The following SLCO1A2 variants were observed in gnomAD, a reference collection of about 807,000 sequenced individuals.
The protein encoded by SLCO1A2 is solute carrier organic anion transporter family member 1A2.
Under a neutral mutation model 69.0 loss-of-function variants are expected in SLCO1A2, and 67 were observed. The ratio of observed to expected loss-of-function variants is 0.97; its 90% CI spans 0.80 to 1.19. The LOEUF (loss-of-function observed/expected upper bound fraction) is 1.19, where lower values mean the gene tolerates loss of function less well. SLCO1A2 is among the 50% of genes most tolerant of loss of function. The pLI is 0.00. For synonymous variants in SLCO1A2, 260 were observed against 265.9 expected (o/e 0.98, Z 0.22); for missense variants, 787 against 793.7 (o/e 0.99, Z 0.10).
intron 1 of SLCO1A2, among the ~76,000 whole-genome samples, chr12:21,392,792 G>C (rs1941227364): frequency 6.6e-6 from 1 of 152,126 alleles, no homozygotes. Context: ...ATTTTCCAAT[G>C]GGTACATGAA....
In SLCO1A2 at chr12:21,330,593, G is replaced by GA. The variant is rs558029681; in HGVS notation, c.60+3994dup. ...TACCATTCCAGGCCTTCTCAAAAGA[G>GA]AAAAAAACTGAAGCAGTAGGGCACA... On this transcript the variant is annotated intron_variant, in intron 2 of 14. Coordinates refer to ENST00000683939, the MANE Select transcript of SLCO1A2 (RefSeq NM_001386879.1). Among the ~76,000 whole-genome samples the GA allele has an allele frequency of 6.3e-3, 956 of 152,040 alleles. 12 individuals are homozygous for GA. The highest frequency in any genetic ancestry group is 0.022 in the African/African-American group (896 of 41,518).
intron 2 of SLCO1A2, among the ~76,000 whole-genome samples, chr12:21,345,861 T>C (rs1953236053): frequency 6.6e-6 from 1 of 152,052 alleles, no homozygotes; most frequent in Non-Finnish European, 1.5e-5. Flanking sequence ...TTTTAAATAA[T>C]GTTCAGTTTG....
At chr12:21,312,651 T>A (rs1409214032) in intron 4 of SLCO1A2, among the ~76,000 whole-genome samples, 1 of 152,112 alleles carries the variant, frequency 6.6e-6, no homozygotes, top group Non-Finnish European at 1.5e-5. Context: ...AATAGGGTTA[T>A]TATAATAATT....
chr12:21,318,311 G>A (rs990767084), intron 3 of SLCO1A2, among the ~76,000 whole-genome samples: 2 of 151,940 alleles, frequency 1.3e-5, no homozygotes, highest in African/African-American at 4.8e-5. Context: ...AGCAGAGACG[G>A]GGTTTCACCA....
intron 1 of SLCO1A2, among the ~76,000 whole-genome samples, chr12:21,394,219 A>G (rs1941304434): frequency 6.6e-6 from 1 of 152,198 alleles, no homozygotes; most frequent in Non-Finnish European, 1.5e-5. Context: ...CATTCTGGTC[A>G]GCTTGCCTTA....
chr12:21,276,421 CACAG>C (rs1555105395), intron 12 of SLCO1A2, among the ~76,000 whole-genome samples: 1 of 145,192 alleles, frequency 6.9e-6, no homozygotes, highest in South Asian at 2.1e-4. Flanking sequence ...CACACACACA[CACAG>C]ACCTATCTGT....
In SLCO1A2 at chr12:21,277,512, C is replaced by A. The variant is rs368772590; in HGVS notation, c.1611-2088G>T. On this transcript the variant is annotated intron_variant, in intron 12 of 14. Coordinates refer to ENST00000683939, the MANE Select transcript of SLCO1A2 (RefSeq NM_001386879.1). ...AGAGACTCTCTGTTTGAGAAAAGCA[C>A]AGGCACAGGAAGCAAAGGGAATTCT... 1.5e-3 allele frequency among the ~76,000 whole-genome samples: 222 copies of A among 152,150 alleles called. 7 individuals are homozygous for A. The South Asian group carries it at 0.045, about 31-fold the overall frequency.
chr12:21,310,456 G>A (rs1949975825), intron 4 of SLCO1A2, among the ~76,000 whole-genome samples: 1 of 152,256 alleles, frequency 6.6e-6, no homozygotes, highest in Non-Finnish European at 1.5e-5. Context: ...CCTCCACGCT[G>A]ATGGCTGCTG....
intron 2 of SLCO1A2, among the ~76,000 whole-genome samples, chr12:21,357,207 T>A (rs1171140697): frequency 1.3e-5 from 2 of 152,128 alleles, no homozygotes; most frequent in East Asian, 3.9e-4. Flanking sequence ...CCAAAGTAAT[T>A]GTTAAGATGA....
At chr12:21,297,030 G>A (rs1046324361) in intron 9 of SLCO1A2, among the ~76,000 whole-genome samples, 3 of 152,090 alleles carry the variant, frequency 2.0e-5, no homozygotes, top group Non-Finnish European at 4.4e-5. Flanking sequence ...TAGAATCCTT[G>A]AACTGGAACC....
At position 21,320,457 on chromosome 12, in the gene SLCO1A2, G is replaced by A. The variant is rs137876513; in HGVS notation, c.61-1534C>T. On this transcript the variant is annotated intron_variant, in intron 2 of 14. Transcript: ENST00000683939. ...CCATTTTCGAGATTCTAATTCATCC[G>A]TTATTGCTCTTTTCTCTCTCTCTCT... Among the ~76,000 whole-genome samples, 46 of 151,870 alleles carry A rather than the reference G, an allele frequency of 3.0e-4. No individual in the cohort carries two copies. In the East Asian group the frequency reaches 6.8e-3, roughly 22 times the overall value.
intron 2 of SLCO1A2, among the ~76,000 whole-genome samples, chr12:21,343,587 A>G (rs571386425): frequency 3.3e-5 from 5 of 152,100 alleles, no homozygotes; most frequent in Non-Finnish European, 5.9e-5. Context: ...TTATCACCAC[A>G]AATTGCTTAT....
At chr12:21,369,970 A>G (rs75085716) in intron 2 of SLCO1A2, among the ~76,000 whole-genome samples, 150 of 152,368 alleles carry the variant, frequency 9.8e-4, no homozygotes, top group African/African-American at 3.4e-3. Flanking sequence ...TAAACATTAT[A>G]CGAGACAGAC....
intron 1 of SLCO1A2, among the ~76,000 whole-genome samples, chr12:21,402,488 G>C (rs1941738962): frequency 6.6e-6 from 1 of 152,056 alleles, no homozygotes; most frequent in Non-Finnish European, 1.5e-5. Context: ...TTTGCATACA[G>C]TTAATTAAAA....
intron 8 of SLCO1A2, among the ~76,000 whole-genome samples, chr12:21,298,649 A>T (rs1426326591): frequency 6.6e-6 from 1 of 152,108 alleles, no homozygotes; most frequent in African/African-American, 2.4e-5. Context: ...AAGATTTTTA[A>T]GTCACCCATG....
In SLCO1A2 at chr12:21,295,533, T is replaced by C. The variant is rs755851307; in HGVS notation, c.1271+64A>G. ...AAAATGATCTGATCGTGCATTGCCA[T>C]TGTAAAAAATATCATATTAACCATT... On this transcript the variant is annotated intron_variant, in intron 10 of 14. Transcript: ENST00000683939. The C allele has an allele frequency of 5.9e-6, 6 of 1,016,958 alleles. No individual in the cohort carries two copies. The East Asian group carries it at 1.2e-4, about 20-fold the overall frequency. 63.0% of individuals were successfully genotyped at this position (1,016,958 alleles called of 1,614,324 possible). A position where few individuals can be genotyped will look rare whatever the true frequency, so the allele number is the denominator to read the frequency against.
At position 21,306,896 on chromosome 12, in the gene SLCO1A2, G is replaced by A. The variant is rs757941590; in HGVS notation, c.428C>T (p.Thr143Met). 1.9e-5 allele frequency: 30 copies of A among 1,613,092 alleles called. No homozygotes were observed. The highest frequency in any genetic ancestry group is 4.4e-5 in the South Asian group (4 of 91,048). The change falls in exon 5 of 15, where the codon ACG becomes ATG. Residue 143 changes from threonine (T) to methionine (M), a missense_variant. Coordinates refer to ENST00000683939, the MANE Select transcript of SLCO1A2 (RefSeq NM_001386879.1). Reference sequence around the variant, plus strand: ...AAGTAGACAACCTGATGGATCCTGCGTTGGTCTTAAAATCTGGGTTCCATT... The same window carrying A: ...AAGTAGACAACCTGATGGATCCTGCATTGGTCTTAAAATCTGGGTTCCATT... ...MENGTQILRP[T>M]QDPSECTKEV...
upstream of SLCO1A2, among the ~76,000 whole-genome samples, chr12:21,398,386 C>T (rs1392218746): frequency 1.1e-5 from 1 of 91,280 alleles, no homozygotes; most frequent in African/African-American, 3.9e-5. Context: ...TAATCAATAG[C>T]TTACCAACAA....
At chr12:21,412,660 A>G (rs1014964761) in intron 1 of SLCO1A2, among the ~76,000 whole-genome samples, 3 of 152,248 alleles carry the variant, frequency 2.0e-5, no homozygotes, top group East Asian at 3.9e-4. Context: ...ACCTCCCACA[A>G]TGCTCCACTG....
Sources: gnomAD v4.1 joint callset for allele counts (sites outside exome capture counted in the v4.1 genomes callset) on GRCh38, gnomAD v4.1.1 for gene constraint, MANE v1.5 for transcripts, NCBI Gene and HGNC (gene_info 2026-07-23, HGNC 2026-07-21) for gene names.